Variants in MUC22 observed in about 807,000 individuals in gnomAD.
The protein encoded by MUC22 is mucin-22.
In MUC22, 24 loss-of-function variants were observed where a neutral mutation model predicts 40.3. That is an observed-to-expected ratio of 0.60 (90% CI 0.43 to 0.84). MUC22 has a LOEUF of 0.84. Ranked by LOEUF, MUC22 falls within the 40% of genes least tolerant of loss-of-function variation. The pLI is 0.00. For synonymous variants in MUC22, 765 were observed against 844.5 expected (o/e 0.91, Z 1.63); for missense variants, 1,926 against 2,130.7 (o/e 0.90, Z 1.89).
chr6:31,012,410 C>G (rs1934009605), intron 1 of MUC22, among the ~76,000 whole-genome samples: 1 of 152,246 alleles, frequency 6.6e-6, no homozygotes, highest in South Asian at 2.1e-4. Context: ...CTGCCCGTCG[C>G]CTGTCCTAAT....
chr6:31,027,484 A>G (rs1415005424), exon 2 of MUC22: 1 of 1,531,662 alleles, frequency 6.5e-7, no homozygotes, highest in Non-Finnish European at 8.7e-7. Flanking sequence ...AGTCTTTGAG[A>G]CCACTACAGC....
rs1263670721 is a variant in MUC22, at chr6:31,029,378, C to T, written c.3947C>T (p.Thr1316Ile). ...ACCTCTACTGAAGGCTCTGAGACAA[C>T]CACAGTCTCTACCACGGGCTCTGAG... The change falls in exon 2 of 4, where the codon ACC becomes ATC. Residue 1316 changes from threonine (T) to isoleucine (I), a missense_variant. Around this residue, in one of 3 missense-constraint regions of MUC22, gnomAD observed 610 missense variants for 714.6 expected, o/e 0.85. Transcript: ENST00000561890. 9 of 1,535,196 alleles carry T rather than the reference C, an allele frequency of 5.9e-6. No homozygotes were observed. The highest frequency in any genetic ancestry group is 6.1e-6 in the Non-Finnish European group (7 of 1,146,706).
intron 3 of MUC22, among the ~76,000 whole-genome samples, chr6:31,033,554 C>A (rs1766232980): frequency 6.6e-6 from 1 of 152,122 alleles, no homozygotes; most frequent in Non-Finnish European, 1.5e-5. Flanking sequence ...TATTGATGTT[C>A]TTCCTGTTTT....
exon 4 of MUC22, chr6:31,034,869 G>C: frequency 6.5e-7 from 1 of 1,535,528 alleles, no homozygotes; most frequent in South Asian, 1.2e-5. Flanking sequence ...GCCATGGACT[G>C]AGCCACATCC....
intron 2 of MUC22, among the ~76,000 whole-genome samples, chr6:31,030,386 G>A (rs546235387): frequency 5.3e-5 from 8 of 152,096 alleles, no homozygotes; most frequent in South Asian, 2.1e-4. Flanking sequence ...GCGTGGTGGC[G>A]GGCACCTGTA....
At chr6:31,030,855 T>C (rs1766010443) in intron 2 of MUC22, among the ~76,000 whole-genome samples, 1 of 152,264 alleles carries the variant, frequency 6.6e-6, no homozygotes, top group African/African-American at 2.4e-5. Context: ...CCTGGTTTTG[T>C]AAAGTTTTAC....
intron 1 of MUC22, among the ~76,000 whole-genome samples, chr6:31,013,817 T>A (rs1382502641): frequency 6.6e-6 from 1 of 152,180 alleles, no homozygotes; most frequent in African/African-American, 2.4e-5. Flanking sequence ...GCGTGAGCCA[T>A]TGCACCCGGC....
rs1012760936 is a variant in MUC22 at position 31,032,691 on chromosome 6, G to A, written c.5055+110G>A. 25 of 1,200,882 alleles carry A rather than the reference G, an allele frequency of 2.1e-5. No individual in the cohort carries two copies. The highest frequency in any genetic ancestry group is 3.1e-5 in the South Asian group (2 of 63,926). The allele number at this position is 1,200,882 out of a possible 1,614,324, so 74.4% of individuals were successfully genotyped here. Reference sequence around the variant, plus strand: ...ATGAGAAAGGGGAGTAAGTTGGTGCGCTCAGAAGGAAAGAATCACCTAGCC... The same window carrying A: ...ATGAGAAAGGGGAGTAAGTTGGTGCACTCAGAAGGAAAGAATCACCTAGCC... On this transcript the variant is annotated intron_variant, in intron 3 of 3. Coordinates refer to ENST00000561890, the Ensembl canonical transcript of MUC22. The surrounding 1 kb of genome is among the most constrained non-coding windows in gnomAD (Gnocchi z 4.1).
chr6:31,010,728 C>T (rs1391190468), exon 1 of MUC22: 1 of 702,564 alleles, frequency 1.4e-6, no homozygotes. Flanking sequence ...AAATATCTCT[C>T]CTGCTTTCTG....
chr6:31,007,557 CAGGTTGAA>C (rs1283626964), upstream of MUC22, among the ~76,000 whole-genome samples: 2 of 152,118 alleles, frequency 1.3e-5, no homozygotes, highest in African/African-American at 2.4e-5. This position sits in a 1 kb window ranked among gnomAD's most constrained non-coding sequence, Gnocchi z 4.0. Context: ...CTTGTCCAGC[CAGGTTGAA>C]GAAAATCTAA....
chr6:31,033,340 G>C (rs1297813210), intron 3 of MUC22, among the ~76,000 whole-genome samples: 1 of 151,884 alleles, frequency 6.6e-6, no homozygotes, highest in African/African-American at 2.4e-5. Flanking sequence ...AAGAGAGAGA[G>C]AAATAGAGAA....
intron 1 of MUC22, among the ~76,000 whole-genome samples, chr6:31,022,604 TAATG>T (rs1399148938): frequency 6.6e-6 from 1 of 151,842 alleles, no homozygotes. Flanking sequence ...ACTTGAGTAA[TAATG>T]AATTATGAGG....
At chr6:31,023,181 C>G (rs28732079) in intron 1 of MUC22, among the ~76,000 whole-genome samples, 3 of 110,260 alleles carry the variant, frequency 2.7e-5, no homozygotes, top group East Asian at 2.3e-4. Flanking sequence ...AAAAAAAAGG[C>G]GAAAAATGGA....
At chr6:31,024,869 C>CTTTT (rs10685711) in intron 1 of MUC22, among the ~76,000 whole-genome samples, 2 of 135,986 alleles carry the variant, frequency 1.5e-5, no homozygotes, top group Non-Finnish European at 1.6e-5. Context: ...TTGCTGCCTT[C>CTTTT]TTTTTTTTTT....
intron 2 of MUC22, 150 bp downstream of exon 2, chr6:31,030,250 G>A (rs1314333767): frequency 3.3e-6 from 3 of 917,918 alleles, no homozygotes; most frequent in Middle Eastern, 2.4e-4. Context: ...GGGCGCGGTG[G>A]CTCATGCCTG....
chr6:31,030,591 T>G (rs28562172), intron 2 of MUC22, among the ~76,000 whole-genome samples: 7,303 of 141,954 alleles, frequency 0.051, 380 homozygotes, highest in African/African-American at 0.13. Context: ...TTTTTTTAAG[T>G]GCCCACCACT....
chr6:31,021,630 T>C (rs1289001459), intron 1 of MUC22, among the ~76,000 whole-genome samples: 1 of 151,902 alleles, frequency 6.6e-6, no homozygotes, highest in Non-Finnish European at 1.5e-5. Flanking sequence ...CTAGCTGCTC[T>C]GGAGGGGCCT....
At chr6:31,026,047 A>G (rs1765279348) in exon 2 of MUC22, 1 of 1,530,552 alleles carries the variant, frequency 6.5e-7, no homozygotes, top group Non-Finnish European at 8.7e-7. Context: ...CTCTGAGGCC[A>G]CTAAAGTCTC....
upstream of MUC22, among the ~76,000 whole-genome samples, chr6:31,009,874 G>A (rs1434906859): frequency 1.3e-5 from 2 of 152,108 alleles, no homozygotes; most frequent in African/African-American, 2.4e-5. Flanking sequence ...GGGTAGTTCC[G>A]TGCCCCATCC....
Sources: gnomAD v4.1 joint callset for allele counts (sites outside exome capture counted in the v4.1 genomes callset) on GRCh38, gnomAD v4.1.1 for gene constraint, gnomAD v4.1.1 regional missense constraint, Gnocchi (gnomAD v3.1) non-coding constraint, MANE v1.5 for transcripts, NCBI Gene and HGNC (gene_info 2026-07-23, HGNC 2026-07-21) for gene names.